Variants in NDUFS4 observed in about 807,000 individuals in gnomAD.
NDUFS4 encodes the protein NADH:ubiquinone oxidoreductase subunit S4.
A neutral mutation model predicts 24.3 loss-of-function variants in NDUFS4; 28 were observed. That is an observed-to-expected ratio of 1.15 (90% CI 0.85 to 1.58). NDUFS4 has a LOEUF of 1.58. NDUFS4 is among the 40% of genes most tolerant of loss of function. NDUFS4 has a pLI of 0.00. For missense variants in NDUFS4, 223 were observed against 207.9 expected, an observed-to-expected ratio of 1.07 and a Z score of -0.45; for synonymous variants, 93 against 69.7, an observed-to-expected ratio of 1.34 and a Z score of -1.67.
At chr5:53,645,844 A>G (rs529311837) in intron 2 of NDUFS4, among the ~76,000 whole-genome samples, 22 of 152,322 alleles carry the variant, frequency 1.4e-4, no homozygotes, top group African/African-American at 3.6e-4. Flanking sequence ...TTTACTTTTT[A>G]TATCCCCTTT....
intron 2 of NDUFS4, among the ~76,000 whole-genome samples, chr5:53,611,606 G>C (rs919090912): frequency 2.0e-5 from 3 of 151,878 alleles, no homozygotes; most frequent in African/African-American, 7.3e-5. Flanking sequence ...ACTTTTTGTG[G>C]ACTGTACCAT....
chr5:53,633,397 C>A (rs185395993), intron 2 of NDUFS4, among the ~76,000 whole-genome samples: 13 of 152,260 alleles, frequency 8.5e-5, no homozygotes, highest in Admixed American at 7.9e-4. Context: ...CCTGACCATA[C>A]AACCTTATGT....
At chr5:53,560,980 C>G (rs970623891) in intron 1 of NDUFS4, among the ~76,000 whole-genome samples, 2 of 152,152 alleles carry the variant, frequency 1.3e-5, no homozygotes, top group African/African-American at 4.8e-5. Flanking sequence ...CTGTGGTTTT[C>G]TGGAAGCTTT....
intron 2 of NDUFS4, among the ~76,000 whole-genome samples, chr5:53,611,647 T>C (rs1358036224): frequency 6.6e-6 from 1 of 152,072 alleles, no homozygotes; most frequent in Non-Finnish European, 1.5e-5. Context: ...TTCCTACAGA[T>C]ACTAAGGAGA....
At chr5:53,630,829 C>G (rs568282239) in intron 2 of NDUFS4, among the ~76,000 whole-genome samples, 91 of 152,206 alleles carry the variant, frequency 6.0e-4, no homozygotes, top group African/African-American at 2.1e-3. Context: ...TTAGAACATG[C>G]TCTTTTAGTT....
chr5:53,625,371 G>A (rs920331296), intron 2 of NDUFS4, among the ~76,000 whole-genome samples: 2 of 151,732 alleles, frequency 1.3e-5, no homozygotes, highest in African/African-American at 4.8e-5. Flanking sequence ...TCTTGGTTAG[G>A]GTTCATTAAG....
At chr5:53,615,159 T>C (rs1750804722) in intron 2 of NDUFS4, among the ~76,000 whole-genome samples, 1 of 151,900 alleles carries the variant, frequency 6.6e-6, no homozygotes, top group Non-Finnish European at 1.5e-5. Flanking sequence ...TTTTTGGTAG[T>C]AAATAGTACT....
intron 1 of NDUFS4, among the ~76,000 whole-genome samples, chr5:53,572,112 G>A (rs1225293662): frequency 6.6e-6 from 1 of 152,184 alleles, no homozygotes; most frequent in Non-Finnish European, 1.5e-5. Context: ...TTATGCTTAG[G>A]TTTGGTGAAG....
At chr5:53,570,979 C>T (rs542290186) in intron 1 of NDUFS4, among the ~76,000 whole-genome samples, 15 of 152,040 alleles carry the variant, frequency 9.9e-5, no homozygotes, top group East Asian at 9.7e-4. Context: ...CCACGGCGCC[C>T]GGCTGTGTTT....
At chr5:53,604,627 C>T (rs147268622) in intron 2 of NDUFS4, 12 of 384,996 alleles carry the variant, frequency 3.1e-5, no homozygotes, top group Non-Finnish European at 4.6e-5. Context: ...ACCCTCTTTT[C>T]GTCCTTTGGT....
intron 2 of NDUFS4, among the ~76,000 whole-genome samples, chr5:53,644,289 T>C (rs778438667): frequency 1.3e-5 from 2 of 152,162 alleles, no homozygotes; most frequent in African/African-American, 4.8e-5. Context: ...GCTCCAGCTT[T>C]TATGAGCTCA....
intron 2 of NDUFS4, among the ~76,000 whole-genome samples, chr5:53,614,854 A>G (rs1340890217): frequency 1.3e-5 from 2 of 151,974 alleles, no homozygotes; most frequent in African/African-American, 4.8e-5. Context: ...AGAAAATAGA[A>G]TTGATAATAT....
intron 1 of NDUFS4, among the ~76,000 whole-genome samples, chr5:53,591,703 A>G: frequency 6.6e-6 from 1 of 152,154 alleles, no homozygotes; most frequent in East Asian, 1.9e-4. Context: ...CCAGCGATGA[A>G]TGAGACTTCT....
chr5:53,656,040 C>G (rs1288252601), intron 3 of NDUFS4, among the ~76,000 whole-genome samples: 1 of 152,058 alleles, frequency 6.6e-6, no homozygotes, highest in East Asian at 1.9e-4. Context: ...TCTGGCAATC[C>G]TGGACTCCGT....
chr5:53,584,251 C>T (rs1172027323), intron 1 of NDUFS4, among the ~76,000 whole-genome samples: 2 of 152,014 alleles, frequency 1.3e-5, no homozygotes, highest in South Asian at 2.1e-4. Context: ...TAGCATTGTG[C>T]GTAAGACATA....
At chr5:53,577,182 G>A (rs2112422344) in intron 1 of NDUFS4, among the ~76,000 whole-genome samples, 1 of 152,276 alleles carries the variant, frequency 6.6e-6, no homozygotes, top group East Asian at 1.9e-4. Flanking sequence ...AACCTCCTGA[G>A]CAGTGTGTAG....
At chr5:53,662,023 C>T (rs1489914479) in intron 4 of NDUFS4, among the ~76,000 whole-genome samples, 1 of 152,132 alleles carries the variant, frequency 6.6e-6, no homozygotes, top group Non-Finnish European at 1.5e-5. Context: ...GCCAGAACTT[C>T]CAACACTATG....
chr5:53,665,069 C>T (rs1310601683), intron 4 of NDUFS4, among the ~76,000 whole-genome samples: 1 of 152,214 alleles, frequency 6.6e-6, no homozygotes, highest in Non-Finnish European at 1.5e-5. Flanking sequence ...AGCTGCAGGT[C>T]TGTTGGAGTT....
intron 4 of NDUFS4, among the ~76,000 whole-genome samples, chr5:53,658,973 G>C (rs2112522494): frequency 6.6e-6 from 1 of 152,044 alleles, no homozygotes; most frequent in Admixed American, 6.6e-5. Flanking sequence ...TTCTAGTTTT[G>C]ACACCTCTGT....
Sources: gnomAD v4.1 joint callset for allele counts (sites outside exome capture counted in the v4.1 genomes callset) on GRCh38, gnomAD v4.1.1 for gene constraint, MANE v1.5 for transcripts, NCBI Gene and HGNC (gene_info 2026-07-23, HGNC 2026-07-21) for gene names.